The following BDKRB2 variants were observed in gnomAD, a reference collection of about 807,000 sequenced individuals.
BDKRB2 encodes bradykinin receptor B2, also known as B2 bradykinin receptor.
In BDKRB2, 6 loss-of-function variants were observed where a neutral mutation model predicts 4.0. The ratio of observed to expected loss-of-function variants is 1.49; its 90% confidence interval spans 0.81 to 2.93. The LOEUF (loss-of-function observed/expected upper bound fraction) is 2.93, where lower values mean the gene tolerates loss of function less well. Ranked by LOEUF, BDKRB2 falls within the 30% of genes most tolerant of loss-of-function variation. The pLI is 0.00. For missense variants in BDKRB2, 478 were observed against 520.1 expected, an observed-to-expected ratio of 0.92 and a Z score of 0.79; for synonymous variants, 225 against 215.3, an observed-to-expected ratio of 1.05 and a Z score of -0.40.
At chr14:96,231,128 G>A (rs1890809947) in intron 1 of BDKRB2, among the ~76,000 whole-genome samples, 1 of 152,170 alleles carries the variant, frequency 6.6e-6, no homozygotes, top group African/African-American at 2.4e-5. Flanking sequence ...GGTATCCAAG[G>A]GTGAGCAAAG....
chr14:96,222,966 G>A (rs779776884), intron 1 of BDKRB2: 18 of 614,528 alleles, frequency 2.9e-5, no homozygotes, highest in Admixed American at 8.1e-5. Flanking sequence ...ATCACCGACC[G>A]CTCTAGGCTA....
In BDKRB2 at chr14:96,244,073, T is replaced by C; in HGVS notation, c.*2569T>C. On this transcript the variant is annotated 3_prime_UTR_variant, in exon 3 of 3. Coordinates refer to ENST00000554311, the MANE Select transcript of BDKRB2 (RefSeq NM_001379692.1). ...GTGAAAGACTCAATGAGCTGTTATG[T>C]TGTAAACAGGAAGCATTTCACATCC... is the stretch of plus-strand genomic sequence containing the variant. 1 of 397,796 alleles carries C rather than the reference T, an allele frequency of 2.5e-6. No homozygotes were observed. Among genetic ancestry groups the C allele is most frequent in the South Asian group, 1.4e-4 (1 of 7,320 alleles). The allele number at this position is 397,796 out of a possible 1,614,324, so 24.6% of individuals were successfully genotyped here. A position where few individuals can be genotyped will look rare whatever the true frequency, so the allele number is the denominator to read the frequency against.
At chr14:96,226,423 G>T (rs1253605300) in intron 1 of BDKRB2, among the ~76,000 whole-genome samples, 1 of 152,232 alleles carries the variant, frequency 6.6e-6, no homozygotes, top group Non-Finnish European at 1.5e-5. Context: ...GGAGGCTGAG[G>T]CGGGCGGATT....
At chr14:96,218,117 G>C (rs1184342346) in intron 1 of BDKRB2, among the ~76,000 whole-genome samples, 1 of 152,086 alleles carries the variant, frequency 6.6e-6, no homozygotes, top group Non-Finnish European at 1.5e-5. Flanking sequence ...ATGAGCTGTC[G>C]AGTGCAGTGC....
At chr14:96,216,864 T>A (rs1410997161) in intron 1 of BDKRB2, among the ~76,000 whole-genome samples, 1 of 151,666 alleles carries the variant, frequency 6.6e-6, no homozygotes, top group Non-Finnish European at 1.5e-5. Context: ...ATGGGAAAAT[T>A]AGGCCCACAC....
intron 1 of BDKRB2, among the ~76,000 whole-genome samples, chr14:96,205,167 T>C (rs958272573): frequency 2.0e-5 from 3 of 152,244 alleles, no homozygotes; most frequent in African/African-American, 7.2e-5. Flanking sequence ...GCCCTGTTTG[T>C]CTGTTGTAGG....
chr14:96,212,181 T>C (rs1049036660), intron 1 of BDKRB2, among the ~76,000 whole-genome samples: 7 of 152,116 alleles, frequency 4.6e-5, no homozygotes. Flanking sequence ...AAAATTTAAA[T>C]ATAAAAAGCA....
chr14:96,205,638 G>C (rs1890160957), intron 1 of BDKRB2, among the ~76,000 whole-genome samples: 1 of 152,162 alleles, frequency 6.6e-6, no homozygotes, highest in Admixed American at 6.5e-5. Context: ...CACCGGCTTT[G>C]CATCCGGCCC....
At chr14:96,208,919 A>G (rs1373624580) in intron 1 of BDKRB2, among the ~76,000 whole-genome samples, 1 of 152,194 alleles carries the variant, frequency 6.6e-6, no homozygotes, top group Non-Finnish European at 1.5e-5. Flanking sequence ...TCTGGAAATG[A>G]GCAGTGCCTG....
At chr14:96,217,536 C>T (rs1048851906) in intron 1 of BDKRB2, among the ~76,000 whole-genome samples, 12 of 152,218 alleles carry the variant, frequency 7.9e-5, no homozygotes, top group African/African-American at 1.2e-4. Context: ...CCCAGATGGA[C>T]GCTGGCTCCA....
At chr14:96,222,500 A>G (rs896485668) in intron 1 of BDKRB2, among the ~76,000 whole-genome samples, 2 of 152,226 alleles carry the variant, frequency 1.3e-5, no homozygotes, top group African/African-American at 4.8e-5. Context: ...TCATTAGAAC[A>G]AAAGATGTGC....
intron 1 of BDKRB2, among the ~76,000 whole-genome samples, chr14:96,207,341 G>A (rs1271016882): frequency 6.6e-6 from 1 of 152,166 alleles, no homozygotes; most frequent in Non-Finnish European, 1.5e-5. Context: ...AGTGAATGAA[G>A]CTACTCTGAA....
chr14:96,230,653 C>T (rs1197180800), intron 1 of BDKRB2, among the ~76,000 whole-genome samples: 5 of 147,186 alleles, frequency 3.4e-5, no homozygotes, highest in East Asian at 2.0e-4. Flanking sequence ...AGTCTCGCTC[C>T]GTCACCTAGG....
At chr14:96,234,110 G>A (rs1366122195) in intron 1 of BDKRB2, 1 of 152,202 alleles carries the variant, frequency 6.6e-6, no homozygotes, top group Non-Finnish European at 1.5e-5. Context: ...ATATTCCCAG[G>A]ATGCATTCAT....
chr14:96,233,096 G>T (rs1292421255), intron 1 of BDKRB2, among the ~76,000 whole-genome samples: 1 of 152,166 alleles, frequency 6.6e-6, no homozygotes, highest in Non-Finnish European at 1.5e-5. Flanking sequence ...GTGCGATACG[G>T]CTCACTGCAG....
At chr14:96,207,524 T>C (rs1890214874) in intron 1 of BDKRB2, among the ~76,000 whole-genome samples, 1 of 152,172 alleles carries the variant, frequency 6.6e-6, no homozygotes, top group South Asian at 2.1e-4. Context: ...GACACTGTAA[T>C]GGTAGAGGCA....
intron 1 of BDKRB2, among the ~76,000 whole-genome samples, chr14:96,235,919 G>A (rs1199159538): frequency 6.6e-6 from 1 of 152,144 alleles, no homozygotes; most frequent in Non-Finnish European, 1.5e-5. Flanking sequence ...GAGAGAGTGT[G>A]AAGTCTGGAA....
At position 96,241,554 on chromosome 14, in the gene BDKRB2, T is replaced by C; in HGVS notation, c.*50T>C. The C allele has an allele frequency of 4.0e-6, 6 of 1,496,750 alleles. No homozygotes were observed. Among genetic ancestry groups the C allele is most frequent in the Non-Finnish European group, 5.3e-6 (6 of 1,130,294 alleles). The allele number at this position is 1,496,750 out of a possible 1,614,324, so 92.7% of individuals were successfully genotyped here. ...AATTTGTGTAAGGATTGAGGGACAGTTGCTTTTCAGCATGGGCCCAGGAAT... is the reference window on the plus strand; with the variant it reads ...AATTTGTGTAAGGATTGAGGGACAGCTGCTTTTCAGCATGGGCCCAGGAAT... On this transcript the variant is annotated 3_prime_UTR_variant, in exon 3 of 3. Transcript: ENST00000554311.
chr14:96,208,374 C>T (rs1475898362), intron 1 of BDKRB2, among the ~76,000 whole-genome samples: 1 of 152,130 alleles, frequency 6.6e-6, no homozygotes, highest in East Asian at 1.9e-4. Flanking sequence ...ACACACATTC[C>T]AAAAAAGTCA....
Sources: allele counts gnomAD v4.1 joint callset (sites outside exome capture counted in the v4.1 genomes callset), GRCh38; gene constraint gnomAD v4.1.1; transcripts MANE v1.5; gene names NCBI Gene and HGNC (gene_info 2026-07-23, HGNC 2026-07-21).